Variants in VEGFC observed in about 807,000 individuals in gnomAD.
VEGFC encodes the protein vascular endothelial growth factor C, also known as FLT4 ligand DHM.
In VEGFC, 12 loss-of-function variants were observed where a neutral mutation model predicts 46.1. The observed-to-expected ratio is 0.26, with a 90% CI of 0.17 to 0.42. The LOEUF (loss-of-function observed/expected upper bound fraction) is 0.42, where lower values mean the gene tolerates loss of function less well. VEGFC is among the 10% of genes least tolerant of loss of function. The probability of loss-of-function intolerance (pLI) is 1.00; values close to 1 mark genes in which losing one functional copy is unlikely to be tolerated. For synonymous variants in VEGFC, 232 were observed against 195.5 expected (o/e 1.19, Z -1.56); for missense variants, 488 against 529.4 (o/e 0.92, Z 0.77).
At chr4:176,713,791 A>T in intron 3 of VEGFC, among the ~76,000 whole-genome samples, 1 of 152,202 alleles carries the variant, frequency 6.6e-6, no homozygotes, top group Non-Finnish European at 1.5e-5. Flanking sequence ...GAAGAAGCAT[A>T]ACAATGATGG....
intron 1 of VEGFC, among the ~76,000 whole-genome samples, chr4:176,781,635 CAG>C (rs1464031340): frequency 1.3e-5 from 2 of 152,136 alleles, no homozygotes; most frequent in African/African-American, 4.8e-5. Context: ...TCAGTTAAAA[CAG>C]AGTAGTCAAG....
intron 4 of VEGFC, among the ~76,000 whole-genome samples, chr4:176,694,668 G>A (rs1301458537): frequency 6.7e-6 from 1 of 149,202 alleles, no homozygotes; most frequent in Admixed American, 6.7e-5. Context: ...CAAATCAATG[G>A]AATATATATT....
chr4:176,760,849 A>G (rs1052834406), intron 1 of VEGFC, among the ~76,000 whole-genome samples: 3 of 152,234 alleles, frequency 2.0e-5, no homozygotes, highest in Non-Finnish European at 4.4e-5. Flanking sequence ...AGGGAGCTTC[A>G]AATGGCACTG....
At chr4:176,697,964 A>G (rs543668690) in intron 4 of VEGFC, among the ~76,000 whole-genome samples, 73 of 151,612 alleles carry the variant, frequency 4.8e-4, no homozygotes, top group African/African-American at 1.7e-3. Context: ...GAAGGGGAAC[A>G]TCACACTCTG....
At chr4:176,757,570 T>A (rs896296777) in intron 1 of VEGFC, among the ~76,000 whole-genome samples, 4 of 148,184 alleles carry the variant, frequency 2.7e-5, no homozygotes, top group African/African-American at 9.9e-5. Flanking sequence ...TAAATATGTA[T>A]TACCAGGGCT....
intron 3 of VEGFC, among the ~76,000 whole-genome samples, chr4:176,712,520 GAAAAA>G (rs1395182469): frequency 6.6e-6 from 1 of 152,100 alleles, no homozygotes; most frequent in South Asian, 2.1e-4. Flanking sequence ...ATCATTACCA[GAAAAA>G]ATGGTAAAAG....
intron 1 of VEGFC, among the ~76,000 whole-genome samples, chr4:176,738,314 A>G (rs1735089998): frequency 2.0e-5 from 3 of 152,108 alleles, no homozygotes. Context: ...CTACAAGTCA[A>G]CAGTAACCAA....
chr4:176,684,029 CGTCT>C lies in VEGFC; in HGVS notation c.1153_1156del (p.Arg385GlyfsTer33). ...AGCCTTCTGGCGGTTCGTACATGGC[CGTCT>C]GTAACAGCTAGGAGAACAAACAAGA... On this transcript the variant is annotated frameshift_variant, in exon 7 of 7. Transcript: ENST00000618562. LOFTEE classifies it high-confidence loss of function. The C allele has an allele frequency of 2.5e-6, 4 of 1,613,890 alleles. No individual in the cohort carries two copies. Among genetic ancestry groups the C allele is most frequent in the Non-Finnish European group, 3.4e-6 (4 of 1,179,816 alleles).
intron 1 of VEGFC, among the ~76,000 whole-genome samples, chr4:176,744,631 T>G (rs1166806225): frequency 6.6e-6 from 1 of 152,108 alleles, no homozygotes; most frequent in Non-Finnish European, 1.5e-5. Context: ...GAAAAAGATA[T>G]CAACACGTTT....
chr4:176,715,406 T>A (rs1734681143), intron 3 of VEGFC, among the ~76,000 whole-genome samples: 1 of 152,184 alleles, frequency 6.6e-6, no homozygotes, highest in Non-Finnish European at 1.5e-5. Context: ...AGAGTCTTGA[T>A]AATTGAGTTT....
intron 1 of VEGFC, among the ~76,000 whole-genome samples, chr4:176,730,070 A>G (rs1734937196): frequency 6.6e-6 from 1 of 152,126 alleles, no homozygotes; most frequent in South Asian, 2.1e-4. Context: ...AAATTTATTC[A>G]TTTGTATCAC....
chr4:176,684,430 A>G (rs1344519827), intron 6 of VEGFC, among the ~76,000 whole-genome samples: 47 of 152,128 alleles, frequency 3.1e-4, no homozygotes, highest in Admixed American at 3.0e-3. Flanking sequence ...CTTGTATGGG[A>G]CCCAGACTTC....
intron 1 of VEGFC, among the ~76,000 whole-genome samples, chr4:176,768,347 G>A (rs1274104840): frequency 6.6e-6 from 1 of 151,718 alleles, no homozygotes. Context: ...TGAACACTTC[G>A]ACATTAAAAG....
chr4:176,712,121 T>C (rs1376338746), intron 3 of VEGFC, among the ~76,000 whole-genome samples: 4 of 152,156 alleles, frequency 2.6e-5, no homozygotes, highest in East Asian at 1.9e-4. Context: ...ACTGAATACA[T>C]AGACGTAAGT....
chr4:176,779,579 A>G (rs1015643118), intron 1 of VEGFC, among the ~76,000 whole-genome samples: 29 of 152,184 alleles, frequency 1.9e-4, no homozygotes, highest in Non-Finnish European at 3.7e-4. Context: ...CACATCATCA[A>G]GTGGGGTGAA....
At chr4:176,715,752 T>C (rs1734689271) in intron 3 of VEGFC, among the ~76,000 whole-genome samples, 1 of 152,202 alleles carries the variant, frequency 6.6e-6, no homozygotes, top group Non-Finnish European at 1.5e-5. Flanking sequence ...TAGTATGTGC[T>C]TAGAAAATAT....
chr4:176,788,382 T>A (rs1432028538), intron 1 of VEGFC, among the ~76,000 whole-genome samples: 3 of 152,196 alleles, frequency 2.0e-5, no homozygotes, highest in Admixed American at 1.3e-4. Flanking sequence ...TCACACGCAG[T>A]GCTTTTCTCT....
At chr4:176,719,676 C>T (rs1379701995) in intron 3 of VEGFC, among the ~76,000 whole-genome samples, 1 of 152,178 alleles carries the variant, frequency 6.6e-6, no homozygotes, top group Admixed American at 6.5e-5. Context: ...CATCACTGTA[C>T]ACCTACACTT....
intron 1 of VEGFC, among the ~76,000 whole-genome samples, chr4:176,774,270 TAATA>T (rs1299571635): frequency 2.2e-4 from 5 of 22,330 alleles, no homozygotes; most frequent in Non-Finnish European, 1.1e-3. Flanking sequence ...TGAAACTGCA[TAATA>T]AATAAAAATT....
Sources: allele counts gnomAD v4.1 joint callset (sites outside exome capture counted in the v4.1 genomes callset), GRCh38; gene constraint gnomAD v4.1.1; transcripts MANE v1.5; gene names NCBI Gene and HGNC (gene_info 2026-07-23, HGNC 2026-07-21).